PTPRM: variants seen among roughly 807,000 people sequenced by gnomAD.
PTPRM encodes protein tyrosine phosphatase receptor type M.
Under a neutral mutation model 186.7 loss-of-function variants are expected in PTPRM, and 47 were observed. The observed-to-expected ratio is 0.25, with a 90% confidence interval of 0.20 to 0.32. PTPRM has a LOEUF of 0.32. PTPRM is among the 10% of genes least tolerant of loss of function. The pLI is 1.00. For synonymous variants in PTPRM, 668 were observed against 674.9 expected, an observed-to-expected ratio of 0.99 and a Z score of 0.16; for missense variants, 1,494 against 1,865.0, an observed-to-expected ratio of 0.80 and a Z score of 3.66.
chr18:7,739,240 G>A (rs764849882), intron 1 of PTPRM, among the ~76,000 whole-genome samples: 1 of 152,046 alleles, frequency 6.6e-6, no homozygotes, highest in Admixed American at 6.5e-5. Context: ...CAGTAAAGTG[G>A]TCGACGTTGA....
At chr18:7,673,979 C>T (rs1743556208) in intron 1 of PTPRM, among the ~76,000 whole-genome samples, 1 of 152,106 alleles carries the variant, frequency 6.6e-6, no homozygotes, top group Non-Finnish European at 1.5e-5. Context: ...ACACGCAGCT[C>T]TTCTGAGAAG....
chr18:7,724,075 C>CTT (rs377072585), intron 1 of PTPRM, among the ~76,000 whole-genome samples: 1 of 145,542 alleles, frequency 6.9e-6, no homozygotes, highest in Non-Finnish European at 1.5e-5. Context: ...TAGTAATTTC[C>CTT]TTTTTTTTTT....
intron 19 of PTPRM, among the ~76,000 whole-genome samples, chr18:8,288,265 C>T (rs745999794): frequency 6.6e-6 from 1 of 152,094 alleles, no homozygotes; most frequent in Non-Finnish European, 1.5e-5. Context: ...AAGGGGGGTG[C>T]CAAAGAAACA....
intron 13 of PTPRM, among the ~76,000 whole-genome samples, chr18:8,125,992 TATATATATATATATATATATATATA>T (rs2092331485): frequency 1.1e-4 from 1 of 8,830 alleles, no homozygotes; most frequent in Non-Finnish European, 3.6e-4. Context: ...TATATATATA[TATATATATATATATATATATATATA>T]TATATATATA....
chr18:8,175,344 C>G (rs1484304160), intron 14 of PTPRM, among the ~76,000 whole-genome samples: 1 of 152,134 alleles, frequency 6.6e-6, no homozygotes. Context: ...AAGACTTCTA[C>G]AACTGGAGTG....
chr18:7,921,050 T>C (rs1322328030), intron 4 of PTPRM, among the ~76,000 whole-genome samples: 1 of 152,166 alleles, frequency 6.6e-6, no homozygotes, highest in Non-Finnish European at 1.5e-5. Flanking sequence ...GAGAGTCTAA[T>C]CATTATATCT....
At chr18:7,583,120 G>A (rs2036888893) in intron 1 of PTPRM, among the ~76,000 whole-genome samples, 1 of 152,084 alleles carries the variant, frequency 6.6e-6, no homozygotes, top group African/African-American at 2.4e-5. Context: ...TTTCCTTTAT[G>A]TCTACAAACC....
At chr18:7,864,546 A>G (rs554280685) in intron 2 of PTPRM, among the ~76,000 whole-genome samples, 2 of 152,212 alleles carry the variant, frequency 1.3e-5, no homozygotes, top group African/African-American at 2.4e-5. Context: ...ATTCTGTTCC[A>G]TTAGTCTATA....
At chr18:8,110,982 A>G (rs73387775) in intron 11 of PTPRM, among the ~76,000 whole-genome samples, 188 of 152,308 alleles carry the variant, frequency 1.2e-3, no homozygotes, top group African/African-American at 4.2e-3. Flanking sequence ...TGAATGAGGA[A>G]TGCCAGCACA....
chr18:8,127,269 C>T (rs2092391356), intron 13 of PTPRM, among the ~76,000 whole-genome samples: 1 of 152,082 alleles, frequency 6.6e-6, no homozygotes, highest in African/African-American at 2.4e-5. Flanking sequence ...TGGAGGAGCA[C>T]ATGCTAGGGA....
intron 1 of PTPRM, among the ~76,000 whole-genome samples, chr18:7,653,406 G>A (rs2038770174): frequency 6.6e-6 from 1 of 151,944 alleles, no homozygotes; most frequent in Admixed American, 6.6e-5. Flanking sequence ...TGTACAGATT[G>A]TTTCATCACC....
intron 1 of PTPRM, among the ~76,000 whole-genome samples, chr18:7,608,950 C>T (rs1218956289): frequency 6.6e-6 from 1 of 152,154 alleles, no homozygotes; most frequent in Non-Finnish European, 1.5e-5. Context: ...TCTTAAAGTG[C>T]AGGCTAGTCC....
At chr18:8,103,570 T>C in intron 11 of PTPRM, among the ~76,000 whole-genome samples, 1 of 152,252 alleles carries the variant, frequency 6.6e-6, no homozygotes, top group East Asian at 1.9e-4. Flanking sequence ...AGGGTCTTGC[T>C]CTGCACTAGG....
chr18:8,010,209 C>T (rs2084439079), intron 7 of PTPRM, among the ~76,000 whole-genome samples: 1 of 152,132 alleles, frequency 6.6e-6, no homozygotes, highest in Non-Finnish European at 1.5e-5. Flanking sequence ...ATTTATAAGA[C>T]AACTCCTTGT....
At chr18:7,693,473 A>G (rs567598579) in intron 1 of PTPRM, among the ~76,000 whole-genome samples, 19 of 152,328 alleles carry the variant, frequency 1.2e-4, no homozygotes, top group African/African-American at 4.1e-4. Flanking sequence ...AGCCAATGAC[A>G]AGACATAAAC....
intron 1 of PTPRM, among the ~76,000 whole-genome samples, chr18:7,752,800 G>C (rs1206385517): frequency 2.0e-5 from 3 of 152,072 alleles, no homozygotes; most frequent in Non-Finnish European, 4.4e-5. Context: ...ACAATACTCA[G>C]AGAAAACTAC....
chr18:7,898,647 G>C (rs1255345287), intron 3 of PTPRM, among the ~76,000 whole-genome samples: 1 of 152,100 alleles, frequency 6.6e-6, no homozygotes, highest in Non-Finnish European at 1.5e-5. Context: ...GTCTCCAAAG[G>C]CTATAGGGAT....
intron 5 of PTPRM, among the ~76,000 whole-genome samples, chr18:7,935,082 G>T (rs946644047): frequency 5.3e-5 from 8 of 152,094 alleles, no homozygotes; most frequent in African/African-American, 1.7e-4. Context: ...TTGTTATTAT[G>T]TATAAAAGCC....
intron 1 of PTPRM, among the ~76,000 whole-genome samples, chr18:7,726,589 A>G (rs1426481157): frequency 1.3e-5 from 2 of 152,118 alleles, no homozygotes; most frequent in Admixed American, 1.3e-4. Context: ...TCAACTACTA[A>G]CCAAACTAAA....
Sources: gnomAD v4.1 joint callset for allele counts (sites outside exome capture counted in the v4.1 genomes callset) on GRCh38, gnomAD v4.1.1 for gene constraint, MANE v1.5 for transcripts, NCBI Gene and HGNC (gene_info 2026-07-23, HGNC 2026-07-21) for gene names.